The following NQO1 variants were observed in gnomAD, a reference collection of about 807,000 sequenced individuals.
NQO1 encodes NAD(P)H quinone dehydrogenase 1, also known as NAD(P)H dehydrogenase [quinone] 1.
In NQO1, 30 loss-of-function variants were observed where a neutral mutation model predicts 32.1. That is an observed-to-expected ratio of 0.94 (90% CI 0.70 to 1.27). The LOEUF (loss-of-function observed/expected upper bound fraction) is 1.27, where lower values mean the gene tolerates loss of function less well. Among genes scored for constraint, NQO1 ranks in the 50% most tolerant of loss-of-function variants. NQO1 has a pLI of 0.00. For synonymous variants in NQO1, 109 were observed against 119.7 expected (o/e 0.91, Z 0.59); for missense variants, 276 against 331.3 (o/e 0.83, Z 1.30).
chr16:69,726,301 G>A (rs951919183), intron 1 of NQO1, 132 bp downstream of exon 1: 66 of 1,271,848 alleles, frequency 5.2e-5, no homozygotes, highest in Admixed American at 1.6e-4. Context: ...GCTCATCCCA[G>A]GTCCCTAATC....
At chr16:69,713,216 A>C (rs2038064495) in intron 4 of NQO1, 87 bp from the exon 5 acceptor site, 1 of 976,046 alleles carries the variant, frequency 1.0e-6, no homozygotes, top group Admixed American at 1.9e-5. Flanking sequence ...CAGGGAAAAG[A>C]ACACACAAGT....
chr16:69,718,573 T>C (rs374608523), intron 1 of NQO1, 39 bp from the exon 2 acceptor site: 237 of 1,599,406 alleles, frequency 1.5e-4, no homozygotes, highest in Non-Finnish European at 1.8e-4. Flanking sequence ...GAAAACCCAT[T>C]ACCAACCAGC....
At chr16:69,725,516 C>G (rs1220425502) in intron 1 of NQO1, among the ~76,000 whole-genome samples, 1 of 152,052 alleles carries the variant, frequency 6.6e-6, no homozygotes, top group Non-Finnish European at 1.5e-5. Context: ...TGAAGTGGAC[C>G]CAATACTAGA....
In NQO1 at chr16:69,711,090, G is replaced by C; in HGVS notation, c.711C>G (p.Phe237Leu). 6.2e-7 allele frequency: 1 copy of C among 1,614,124 alleles called. No individual in the cohort carries two copies. Among genetic ancestry groups the C allele is most frequent in the Non-Finnish European group, 8.5e-7 (1 of 1,180,016 alleles). Residue 237 changes from phenylalanine to leucine, a missense_variant, in exon 6 of 6, where the codon TTC becomes TTG. Physicochemically the swap from Phe to Leu is conservative, Grantham distance 22. Transcript: ENST00000320623. Reference sequence around the variant, plus strand: ...CATCCTGTACCTCTTTTTTCATTAAGAATCCTGCCTGGAAGTTTAGGTCAA... The same window carrying C: ...CATCCTGTACCTCTTTTTTCATTAACAATCCTGCCTGGAAGTTTAGGTCAA... The part of the protein sequence containing the change: ...SLFDLNFQAG[F>L]LMKKEVQDEE...
At position 69,722,255 on chromosome 16, in the gene NQO1, C is replaced by T. The variant is rs2038202345; in HGVS notation, c.8-3721G>A. On this transcript the variant is annotated intron_variant, in intron 1 of 5. Transcript: ENST00000320623. ...CTCGGCTTACAGCAACTTCTGCCTC[C>T]CGGGTTCAAGCGATTCTCCTTCCTC... 2.0e-5 allele frequency among the ~76,000 whole-genome samples: 3 copies of T among 152,212 alleles called. No homozygotes were observed. The South Asian group carries it at 6.2e-4, about 32-fold the overall frequency.
intron 1 of NQO1, among the ~76,000 whole-genome samples, chr16:69,725,485 C>G (rs748929075): frequency 2.6e-5 from 4 of 152,088 alleles, no homozygotes; most frequent in Non-Finnish European, 5.9e-5. Flanking sequence ...GGTCGATGGC[C>G]GAGTGGGAAG....
rs1321467773 is a variant in NQO1 at position 69,713,115 on chromosome 16, C to T, written c.432G>A (p.Val144=). Residue 144 remains valine, a synonymous_variant, in exon 5 of 6, where the codon GTG becomes GTA. Coordinates refer to ENST00000320623, the MANE Select transcript of NQO1 (RefSeq NM_000903.3). The part of the protein sequence containing the change: ...DKGPFRSKKA[V]LSITTGGSGS... ...CACTGCCACCAGTGGTGATGGAAAG[C>T]ACTGCCTTCTTACTCTGCAAAAGAA... 6.2e-7 allele frequency: 1 copy of T among 1,613,946 alleles called. No homozygotes were observed. Among genetic ancestry groups the T allele is most frequent in the Admixed American group, 1.7e-5 (1 of 60,018 alleles).
chr16:69,724,173 C>T (rs2196574), intron 1 of NQO1, among the ~76,000 whole-genome samples: 37,184 of 151,662 alleles, frequency 0.25, 4,940 homozygotes, highest in East Asian at 0.45. Flanking sequence ...ATTAGCTGGG[C>T]GTGGTGGTGG....
chr16:69,723,918 T>G (rs2038226857), intron 1 of NQO1, among the ~76,000 whole-genome samples: 1 of 151,906 alleles, frequency 6.6e-6, no homozygotes. Context: ...CTGGGAGGAG[T>G]TAGACTATTA....
intron 1 of NQO1, among the ~76,000 whole-genome samples, chr16:69,721,425 A>T (rs1597603259): frequency 6.6e-6 from 1 of 152,162 alleles, no homozygotes; most frequent in Non-Finnish European, 1.5e-5. Context: ...AGGACGCAGC[A>T]TTCCTCCAAA....
intron 1 of NQO1, among the ~76,000 whole-genome samples, chr16:69,718,941 A>C (rs1173288380): frequency 6.6e-6 from 1 of 151,834 alleles, no homozygotes; most frequent in African/African-American, 2.4e-5. Context: ...AGGCTGAGGC[A>C]GGAGAATCAC....
chr16:69,718,237 A>T lies in NQO1; in HGVS notation c.189T>A (p.Pro63=). The change falls in exon 3 of 6, where the codon CCT becomes CCA. Residue 63 remains proline (P), a synonymous_variant. Coordinates refer to ENST00000320623, the MANE Select transcript of NQO1 (RefSeq NM_000903.3). ...ACTCGGCAGGATACTGAAAGTTCGC[A>T]GGGTCCTTCAGTTTACCTGCAGAGA... is the stretch of plus-strand genomic sequence containing the variant. ...RKDITGKLKD[P]ANFQYPAESV... is the part of the protein sequence containing the mutation. The T allele has an allele frequency of 1.2e-6, 2 of 1,614,160 alleles. No individual in the cohort carries two copies. The highest frequency in any genetic ancestry group is 1.7e-6 in the Non-Finnish European group (2 of 1,180,032).
chr16:69,724,291 C>T (rs1225078317), intron 1 of NQO1, among the ~76,000 whole-genome samples: 1 of 152,012 alleles, frequency 6.6e-6, no homozygotes, highest in African/African-American at 2.4e-5. Context: ...ACAGCCTGGG[C>T]AACAGAGTGA....
chr16:69,726,135 C>CT, intron 1 of NQO1, among the ~76,000 whole-genome samples: 1 of 152,348 alleles, frequency 6.6e-6, no homozygotes, highest in South Asian at 2.1e-4. Flanking sequence ...GATTTGGCCT[C>CT]TGACGGCCAG....
At chr16:69,725,930 C>T (rs971054341) in intron 1 of NQO1, among the ~76,000 whole-genome samples, 8 of 152,192 alleles carry the variant, frequency 5.3e-5, no homozygotes, top group Non-Finnish European at 7.3e-5. Flanking sequence ...AGCCTGGAGC[C>T]GGTTCTGGTC....
In NQO1 at chr16:69,710,749, C is replaced by T; in HGVS notation, c.*227G>A. On this transcript the variant is annotated 3_prime_UTR_variant, in exon 6 of 6. Coordinates refer to ENST00000320623, the MANE Select transcript of NQO1 (RefSeq NM_000903.3). ...TTTCTAGCATCTTTCTACATCTTTC[C>T]CTAAGTGGCCTCTTGAGCCCAGTCG... 1 of 531,464 alleles carries T rather than the reference C, an allele frequency of 1.9e-6. No individual in the cohort carries two copies. The highest frequency in any genetic ancestry group is 3.3e-6 in the Non-Finnish European group (1 of 303,292). 32.9% of individuals were successfully genotyped at this position (531,464 alleles called of 1,614,324 possible).
chr16:69,719,557 C>T (rs901061503), intron 1 of NQO1, among the ~76,000 whole-genome samples: 9 of 151,922 alleles, frequency 5.9e-5, no homozygotes, highest in African/African-American at 1.2e-4. Flanking sequence ...GGGCAGGTCA[C>T]GAGGTCAAGA....
chr16:69,711,368 G>C (rs567339652), intron 5 of NQO1, 87 bp from the exon 6 acceptor site: 1 of 1,138,606 alleles, frequency 8.8e-7, no homozygotes, highest in African/African-American at 1.5e-5. Context: ...GGGCTTCTCA[G>C]TAAGACACTC....
At position 69,718,913 on chromosome 16, in the gene NQO1, T is replaced by C. The variant is rs574875964; in HGVS notation, c.8-379A>G. ...AGCTGGGTGTGGTGGCAGGCACCTG[T>C]AATCCCAGCTACTTGGGAGGCTGAG... On this transcript the variant is annotated intron_variant, in intron 1 of 5. Coordinates refer to ENST00000320623, the MANE Select transcript of NQO1 (RefSeq NM_000903.3). 3.9e-5 allele frequency among the ~76,000 whole-genome samples: 6 copies of C among 151,934 alleles called. No homozygotes were observed. The South Asian group carries it at 8.3e-4, about 21-fold the overall frequency.
Sources: gnomAD v4.1 joint callset for allele counts (sites outside exome capture counted in the v4.1 genomes callset) on GRCh38, gnomAD v4.1.1 for gene constraint, MANE v1.5 for transcripts, NCBI Gene and HGNC (gene_info 2026-07-23, HGNC 2026-07-21) for gene names.